The following ERC2 variants were observed in gnomAD, a reference collection of about 807,000 sequenced individuals.
ERC2 encodes the protein ERC protein 2.
ERC2 carries 42 observed loss-of-function variants against 114.8 expected under a neutral mutation model. The observed-to-expected ratio is 0.37, with a 90% CI of 0.29 to 0.47. The LOEUF is 0.47. ERC2 is among the 20% of genes least tolerant of loss of function. ERC2 has a pLI of 0.99. For synonymous variants in ERC2, 454 were observed against 425.5 expected, an observed-to-expected ratio of 1.07 and a Z score of -0.82; for missense variants, 939 against 1,150.7, an observed-to-expected ratio of 0.82 and a Z score of 2.66.
chr3:56,229,295 G>A (rs1379396967), intron 3 of ERC2, among the ~76,000 whole-genome samples: 2 of 152,132 alleles, frequency 1.3e-5, no homozygotes, highest in East Asian at 3.9e-4. Flanking sequence ...TCTGTCCTAT[G>A]TCCACTCCTA....
At chr3:55,689,734 G>A (rs1185284018) in intron 16 of ERC2, among the ~76,000 whole-genome samples, 6 of 151,386 alleles carry the variant, frequency 4.0e-5, no homozygotes, top group Admixed American at 6.6e-5. Context: ...TGGAGGTTGC[G>A]GTGAGCCGAG....
chr3:56,127,782 T>C (rs2079963671), intron 6 of ERC2, among the ~76,000 whole-genome samples: 1 of 148,066 alleles, frequency 6.8e-6, no homozygotes, highest in Non-Finnish European at 1.5e-5. Flanking sequence ...CATAGTCCAG[T>C]GGAACAAAAC....
chr3:55,620,564 T>G (rs563983902), intron 17 of ERC2, among the ~76,000 whole-genome samples: 1 of 152,326 alleles, frequency 6.6e-6, no homozygotes, highest in South Asian at 2.1e-4. Context: ...CTGCTTCCTC[T>G]GTGCCCCATA....
intron 6 of ERC2, among the ~76,000 whole-genome samples, chr3:56,111,864 A>C (rs2078980818): frequency 6.6e-6 from 1 of 152,204 alleles, no homozygotes; most frequent in African/African-American, 2.4e-5. Context: ...GAACTGTTTA[A>C]CTTACAAGAG....
intron 1 of ERC2, among the ~76,000 whole-genome samples, chr3:56,436,217 T>C (rs1401730047): frequency 6.6e-6 from 1 of 152,222 alleles, no homozygotes; most frequent in Non-Finnish European, 1.5e-5. Context: ...TCCATGCTAA[T>C]ACTAACCAGC....
chr3:56,028,932 T>G (rs1387881721), intron 7 of ERC2, among the ~76,000 whole-genome samples: 1 of 152,040 alleles, frequency 6.6e-6, no homozygotes, highest in African/African-American at 2.4e-5. Context: ...AGATGTTCGC[T>G]ATAGGTTTTT....
At chr3:56,319,364 C>T (rs966454449) in intron 2 of ERC2, among the ~76,000 whole-genome samples, 6 of 150,958 alleles carry the variant, frequency 4.0e-5, no homozygotes, top group African/African-American at 1.5e-4. Context: ...ACTTTGAGGA[C>T]ATTACGCTAA....
At chr3:55,720,143 CTCTTCTTCTTCT>C (rs1160295251) in intron 15 of ERC2, among the ~76,000 whole-genome samples, 1 of 3,324 alleles carries the variant, frequency 3.0e-4, no homozygotes, top group African/African-American at 1.1e-3. Context: ...CTTCTTCTTC[CTCTTCTTCTTCT>C]TCTTCTTCTT....
At chr3:56,175,163 TC>T (rs955577992) in intron 3 of ERC2, among the ~76,000 whole-genome samples, 5 of 152,124 alleles carry the variant, frequency 3.3e-5, no homozygotes, top group African/African-American at 1.2e-4. Context: ...AGGGCACATG[TC>T]CAAGGACCAG....
chr3:56,247,065 C>T (rs2051760852), intron 3 of ERC2, among the ~76,000 whole-genome samples: 1 of 152,178 alleles, frequency 6.6e-6, no homozygotes, highest in Non-Finnish European at 1.5e-5. Flanking sequence ...CTGCAGGGTG[C>T]AGAGAACTAA....
intron 1 of ERC2, among the ~76,000 whole-genome samples, chr3:56,446,496 G>C (rs1440524567): frequency 6.6e-6 from 1 of 152,020 alleles, no homozygotes; most frequent in Non-Finnish European, 1.5e-5. Flanking sequence ...CAGATGCTGA[G>C]ACAAGGATGT....
intron 6 of ERC2, among the ~76,000 whole-genome samples, chr3:56,087,533 C>T (rs2077568310): frequency 6.6e-6 from 1 of 151,966 alleles, no homozygotes; most frequent in Non-Finnish European, 1.5e-5. Flanking sequence ...ACTTGATGTG[C>T]CATAAATAAT....
In ERC2 at chr3:55,741,084, G is replaced by A. The variant is rs538314910; in HGVS notation, c.2565-6166C>T. Among the ~76,000 whole-genome samples the A allele has an allele frequency of 2.0e-5, 3 of 152,242 alleles. No homozygotes were observed. In the South Asian group the frequency reaches 6.2e-4, roughly 32 times the overall value. ...TGTGAGCTAATTATGTATAGTTATG[G>A]GTTTTCATTATCCCTGCCTTAAAGG... On this transcript the variant is annotated intron_variant, in intron 14 of 17. Coordinates refer to ENST00000288221, the MANE Select transcript of ERC2 (RefSeq NM_015576.3).
At chr3:55,822,228 G>A (rs1384375543) in intron 14 of ERC2, among the ~76,000 whole-genome samples, 4 of 152,140 alleles carry the variant, frequency 2.6e-5, no homozygotes, top group East Asian at 1.9e-4. Context: ...TTGGCATAGC[G>A]TTAGTCATCA....
At chr3:56,438,186 C>A (rs1484569071) in intron 1 of ERC2, among the ~76,000 whole-genome samples, 1 of 152,194 alleles carries the variant, frequency 6.6e-6, no homozygotes. Context: ...AACCAACCAT[C>A]AGGCCTCCCA....
intron 16 of ERC2, among the ~76,000 whole-genome samples, chr3:55,688,129 T>A (rs1338010197): frequency 6.6e-6 from 1 of 152,120 alleles, no homozygotes; most frequent in Non-Finnish European, 1.5e-5. Flanking sequence ...GCAGGTAAGA[T>A]CCCCCGCCAA....
chr3:55,946,746 T>C (rs1206814477), intron 13 of ERC2, among the ~76,000 whole-genome samples: 1 of 152,178 alleles, frequency 6.6e-6, no homozygotes, highest in Non-Finnish European at 1.5e-5. Context: ...CGGTTCTGCA[T>C]CCTTCCCTTC....
intron 15 of ERC2, among the ~76,000 whole-genome samples, chr3:55,703,726 C>T (rs530579118): frequency 6.6e-6 from 1 of 152,318 alleles, no homozygotes; most frequent in South Asian, 2.1e-4. Context: ...TACTGTGGAA[C>T]ACATAAGAGG....
At chr3:55,667,523 A>C (rs1408938312) in intron 17 of ERC2, among the ~76,000 whole-genome samples, 1 of 152,208 alleles carries the variant, frequency 6.6e-6, no homozygotes, top group Admixed American at 6.5e-5. Flanking sequence ...TGAGTCTGCC[A>C]TTCATCATCC....
Sources: allele counts gnomAD v4.1 joint callset (sites outside exome capture counted in the v4.1 genomes callset), GRCh38; gene constraint gnomAD v4.1.1; transcripts MANE v1.5; gene names NCBI Gene and HGNC (gene_info 2026-07-23, HGNC 2026-07-21).